Variants in DYNC1I1 observed in about 807,000 individuals in gnomAD.
DYNC1I1 encodes the protein dynein cytoplasmic 1 intermediate chain 1.
DYNC1I1 carries 43 observed loss-of-function variants against 86.6 expected under a neutral mutation model. That is an observed-to-expected ratio of 0.50 (90% CI 0.39 to 0.64). The LOEUF is 0.64. Ranked by LOEUF, DYNC1I1 falls within the 30% of genes least tolerant of loss-of-function variation. DYNC1I1 has a pLI of 0.00. For missense variants in DYNC1I1, 604 were observed against 788.8 expected, an observed-to-expected ratio of 0.77 and a Z score of 2.81; for synonymous variants, 262 against 283.7, an observed-to-expected ratio of 0.92 and a Z score of 0.77.
In DYNC1I1 at chr7:95,984,929, C is replaced by T. The variant is rs1793547332; in HGVS notation, c.695C>T (p.Ser232Phe). The T allele has an allele frequency of 1.2e-6, 2 of 1,613,380 alleles. No individual in the cohort carries two copies. The highest frequency in any genetic ancestry group is 1.7e-6 in the Non-Finnish European group (2 of 1,179,712). The change falls in exon 8 of 17, where the codon TCC (serine) becomes TTC (phenylalanine). Residue 232 changes from serine to phenylalanine, a missense_variant. Ser to Phe is a radical substitution (Grantham distance 155, BLOSUM62 -2). Coordinates refer to ENST00000447467, the MANE Select transcript of DYNC1I1 (RefSeq NM_001135556.2). ...ATTGAAAGAGCCCTGGCTGAAGATT[C>T]CGACATCTTTTTTGACTACAGCGGC... ...RVIERALAED[S>F]DIFFDYSGRE...
At chr7:96,053,599 G>C (rs1403068230) in intron 14 of DYNC1I1, among the ~76,000 whole-genome samples, 1 of 152,152 alleles carries the variant, frequency 6.6e-6, no homozygotes, top group African/African-American at 2.4e-5. Flanking sequence ...GGATTTAAAA[G>C]TGGCAAGACA....
At chr7:95,844,092 A>T (rs1284753409) in intron 5 of DYNC1I1, among the ~76,000 whole-genome samples, 1 of 151,402 alleles carries the variant, frequency 6.6e-6, no homozygotes, top group African/African-American at 2.5e-5. Flanking sequence ...AGAACAACAT[A>T]AGAAGAGCAG....
chr7:96,033,962 A>G (rs1472852646), intron 12 of DYNC1I1, among the ~76,000 whole-genome samples: 1 of 152,104 alleles, frequency 6.6e-6, no homozygotes, highest in African/African-American at 2.4e-5. Flanking sequence ...GTGAACTATT[A>G]TCACACCACT....
At chr7:96,000,699 G>T (rs1793988609) in intron 10 of DYNC1I1, among the ~76,000 whole-genome samples, 1 of 152,128 alleles carries the variant, frequency 6.6e-6, no homozygotes, top group Non-Finnish European at 1.5e-5. Context: ...CAGAAAACCT[G>T]CCCCTCCAGC....
intron 5 of DYNC1I1, among the ~76,000 whole-genome samples, chr7:95,864,530 GA>G (rs1377969724): frequency 6.6e-6 from 1 of 152,300 alleles, no homozygotes; most frequent in South Asian, 2.1e-4. Flanking sequence ...ACTCTCAGGG[GA>G]AAGTCAAACC....
intron 5 of DYNC1I1, among the ~76,000 whole-genome samples, chr7:95,854,581 G>A (rs1259546950): frequency 6.6e-6 from 1 of 152,040 alleles, no homozygotes; most frequent in Non-Finnish European, 1.5e-5. Flanking sequence ...CACCACCATT[G>A]CAGTATTAGA....
chr7:96,010,052 A>T (rs562153135), intron 10 of DYNC1I1, among the ~76,000 whole-genome samples: 1 of 152,156 alleles, frequency 6.6e-6, no homozygotes, highest in African/African-American at 2.4e-5. Context: ...ACGACATTTT[A>T]TTCAGAACAA....
At chr7:95,845,426 C>T (rs114555512) in intron 5 of DYNC1I1, among the ~76,000 whole-genome samples, 1 of 152,088 alleles carries the variant, frequency 6.6e-6, no homozygotes, top group African/African-American at 2.4e-5. Flanking sequence ...AGATGTAACC[C>T]CATTAGCCTT....
chr7:95,954,871 G>A (rs1336907083), intron 6 of DYNC1I1, among the ~76,000 whole-genome samples: 5 of 127,152 alleles, frequency 3.9e-5, no homozygotes, highest in Middle Eastern at 7.0e-3. Flanking sequence ...AGCCGAGATC[G>A]CACCACTGCA....
At chr7:95,891,573 A>C (rs1262608440) in intron 6 of DYNC1I1, among the ~76,000 whole-genome samples, 1 of 152,180 alleles carries the variant, frequency 6.6e-6, no homozygotes, top group Admixed American at 6.5e-5. Context: ...AGAATAAGAG[A>C]GCTACATGGA....
At chr7:96,007,896 TG>T (rs1379893710) in intron 10 of DYNC1I1, among the ~76,000 whole-genome samples, 1 of 152,202 alleles carries the variant, frequency 6.6e-6, no homozygotes, top group African/African-American at 2.4e-5. Context: ...GAATTCTCAC[TG>T]GCTCTGAGCC....
chr7:95,850,578 C>T (rs181252786), intron 5 of DYNC1I1, among the ~76,000 whole-genome samples: 155 of 152,286 alleles, frequency 1.0e-3, no homozygotes, highest in Non-Finnish European at 1.4e-3. Context: ...ACCAGTCAGA[C>T]CATGTTTCTG....
At chr7:96,015,009 T>A (rs1343565215) in intron 10 of DYNC1I1, among the ~76,000 whole-genome samples, 1 of 152,116 alleles carries the variant, frequency 6.6e-6, no homozygotes, top group Non-Finnish European at 1.5e-5. Flanking sequence ...CCTGGAGAAT[T>A]GCACAAGGCA....
chr7:95,890,959 A>G (rs1407683647), intron 6 of DYNC1I1, among the ~76,000 whole-genome samples: 1 of 152,244 alleles, frequency 6.6e-6, no homozygotes, highest in African/African-American at 2.4e-5. Context: ...CCCAAATTTC[A>G]TATGCTGAAG....
chr7:96,026,941 G>A (rs373060198), intron 10 of DYNC1I1, among the ~76,000 whole-genome samples: 1 of 152,116 alleles, frequency 6.6e-6, no homozygotes, highest in African/African-American at 2.4e-5. Flanking sequence ...CACATTCAAG[G>A]CTGCTACTTG....
intron 14 of DYNC1I1, among the ~76,000 whole-genome samples, chr7:96,049,637 T>C (rs1310356780): frequency 6.6e-6 from 1 of 151,930 alleles, no homozygotes; most frequent in Admixed American, 6.6e-5. Flanking sequence ...TAAGGAAAAA[T>C]CCTCCAAATC....
At chr7:95,884,099 G>C (rs984107206) in intron 6 of DYNC1I1, among the ~76,000 whole-genome samples, 4 of 152,166 alleles carry the variant, frequency 2.6e-5, no homozygotes, top group African/African-American at 9.7e-5. Flanking sequence ...AAGTCGTCTT[G>C]ACCCATTTTC....
chr7:95,897,607 T>C (rs1482967626), intron 6 of DYNC1I1, among the ~76,000 whole-genome samples: 1 of 152,202 alleles, frequency 6.6e-6, no homozygotes, highest in Non-Finnish European at 1.5e-5. Flanking sequence ...TGAGTGTTGA[T>C]TAAACAAGAT....
intron 6 of DYNC1I1, among the ~76,000 whole-genome samples, chr7:95,905,701 C>G (rs1418540568): frequency 7.0e-6 from 1 of 143,010 alleles, no homozygotes; most frequent in Non-Finnish European, 1.5e-5. Flanking sequence ...TGTGTCTGGG[C>G]TTTTTTTTTT....
Sources: gnomAD v4.1 joint callset for allele counts (sites outside exome capture counted in the v4.1 genomes callset) on GRCh38, gnomAD v4.1.1 for gene constraint, MANE v1.5 for transcripts, NCBI Gene and HGNC (gene_info 2026-07-23, HGNC 2026-07-21) for gene names.